Variants in CCSER1 observed in about 807,000 individuals in gnomAD.
CCSER1 encodes coiled-coil serine rich protein 1, also known as serine-rich coiled-coil domain-containing protein 1.
CCSER1 carries 41 observed loss-of-function variants against 82.0 expected under a neutral mutation model. That is an observed-to-expected ratio of 0.50 (90% CI 0.39 to 0.65). The LOEUF (loss-of-function observed/expected upper bound fraction) is 0.65. CCSER1 is among the 30% of genes least tolerant of loss of function. The probability of loss-of-function intolerance (pLI) is 0.00; values close to 1 mark genes in which losing one functional copy is unlikely to be tolerated. For synonymous variants in CCSER1, 414 were observed against 383.9 expected (o/e 1.08, Z -0.92); for missense variants, 1,119 against 1,064.2 (o/e 1.05, Z -0.72).
At chr4:90,938,222 C>T (rs1561394065) in intron 9 of CCSER1, among the ~76,000 whole-genome samples, 1 of 151,794 alleles carries the variant, frequency 6.6e-6, no homozygotes, top group Non-Finnish European at 1.5e-5. Flanking sequence ...TCTGTTGAAA[C>T]TTTGTGTTTA....
Position 90,348,591 on chromosome 4 carries a change from A to G in CCSER1, c.1509+35544A>G, listed in dbSNP as rs1024878171. On this transcript the variant is annotated intron_variant, in intron 3 of 10. Coordinates refer to ENST00000509176, the MANE Select transcript of CCSER1 (RefSeq NM_001145065.2). ...AATTATCAGTGGACTTTTCATCTCA[A>G]TAAAAATTACTCAGTATATTAAGAC... Among the ~76,000 whole-genome samples, 4 of 152,272 alleles carry G rather than the reference A, an allele frequency of 2.6e-5. No individual in the cohort carries two copies. In the East Asian group the frequency reaches 7.7e-4, roughly 29 times the overall value.
chr4:90,493,704 C>A (rs1768475010), intron 5 of CCSER1, among the ~76,000 whole-genome samples: 1 of 152,096 alleles, frequency 6.6e-6, no homozygotes, highest in South Asian at 2.1e-4. Context: ...CCTTTACAGA[C>A]AAGCAAATGC....
intron 10 of CCSER1, among the ~76,000 whole-genome samples, chr4:91,285,538 G>C (rs1743215894): frequency 6.6e-6 from 1 of 151,676 alleles, no homozygotes; most frequent in African/African-American, 2.4e-5. Context: ...TTCGATCACT[G>C]GTTCCAGTTA....
At chr4:90,164,515 G>C (rs891215950) in intron 1 of CCSER1, among the ~76,000 whole-genome samples, 1 of 152,046 alleles carries the variant, frequency 6.6e-6, no homozygotes, top group Non-Finnish European at 1.5e-5. Flanking sequence ...GTATGCTGAA[G>C]TAGCACAGAT....
intron 10 of CCSER1, among the ~76,000 whole-genome samples, chr4:91,297,544 G>A (rs887555947): frequency 6.6e-6 from 1 of 151,838 alleles, no homozygotes; most frequent in African/African-American, 2.4e-5. Flanking sequence ...TGTAGAATAA[G>A]CAATTTCAGA....
chr4:90,249,871 C>T (rs199866917), intron 1 of CCSER1, among the ~76,000 whole-genome samples: 3 of 152,050 alleles, frequency 2.0e-5, no homozygotes, highest in Non-Finnish European at 4.4e-5. Context: ...CAATGCAGGA[C>T]GATTCCAGTT....
intron 1 of CCSER1, chr4:90,235,286 C>T (rs1218468041): frequency 1.3e-5 from 2 of 152,236 alleles, no homozygotes; most frequent in Non-Finnish European, 2.9e-5. Context: ...ACCTGTAGAT[C>T]CTTTGCCTTA....
At chr4:91,347,446 CTT>C (rs900159991) in intron 10 of CCSER1, among the ~76,000 whole-genome samples, 5 of 151,658 alleles carry the variant, frequency 3.3e-5, no homozygotes, top group African/African-American at 1.2e-4. Context: ...TATTATGAGT[CTT>C]TTGCTTTTTC....
chr4:90,644,440 G>T (rs545353975), intron 6 of CCSER1, among the ~76,000 whole-genome samples: 2 of 152,112 alleles, frequency 1.3e-5, no homozygotes, highest in South Asian at 4.2e-4. Context: ...TTGGATTAGG[G>T]TTGCTCAATC....
chr4:91,153,328 A>T (rs1416121918), intron 10 of CCSER1, among the ~76,000 whole-genome samples: 1 of 151,744 alleles, frequency 6.6e-6, no homozygotes, highest in Non-Finnish European at 1.5e-5. Context: ...TGCATGCATC[A>T]CGTAGTTCTC....
At chr4:90,194,491 T>A (rs1402233831) in intron 1 of CCSER1, among the ~76,000 whole-genome samples, 1 of 152,072 alleles carries the variant, frequency 6.6e-6, no homozygotes, top group Non-Finnish European at 1.5e-5. Context: ...CTTCATGGTG[T>A]TTTTTATTTT....
intron 10 of CCSER1, among the ~76,000 whole-genome samples, chr4:91,268,207 G>C (rs1741750624): frequency 6.6e-6 from 1 of 152,122 alleles, no homozygotes; most frequent in African/African-American, 2.4e-5. Context: ...AATAACATTA[G>C]AGGTAAATAA....
chr4:90,246,349 C>T (rs1578729952), intron 1 of CCSER1, among the ~76,000 whole-genome samples: 1 of 152,130 alleles, frequency 6.6e-6, no homozygotes, highest in Admixed American at 6.5e-5. Flanking sequence ...TAACATGTGC[C>T]TTTGTTTCTG....
At chr4:91,508,919 T>C (rs1481598823) in intron 10 of CCSER1, among the ~76,000 whole-genome samples, 1 of 152,040 alleles carries the variant, frequency 6.6e-6, no homozygotes, top group Non-Finnish European at 1.5e-5. Context: ...TGATCAATTT[T>C]ATTTCTGTAA....
chr4:90,682,016 T>TC (rs1733977703), intron 6 of CCSER1, among the ~76,000 whole-genome samples: 2 of 150,944 alleles, frequency 1.3e-5, no homozygotes, highest in Non-Finnish European at 1.5e-5. Flanking sequence ...AAAAATAACT[T>TC]TTTTTTTTAT....
intron 10 of CCSER1, among the ~76,000 whole-genome samples, chr4:91,576,056 G>A (rs750892705): frequency 4.6e-5 from 7 of 152,022 alleles, no homozygotes; most frequent in Middle Eastern, 3.4e-3. Flanking sequence ...ACACTTACTC[G>A]TTCATTGCAG....
chr4:90,619,716 TGA>T (rs1197752240), intron 5 of CCSER1, among the ~76,000 whole-genome samples: 1 of 152,018 alleles, frequency 6.6e-6, no homozygotes, highest in East Asian at 1.9e-4. Context: ...AATTAGAAAA[TGA>T]GAAATATGTA....
chr4:91,161,565 C>T (rs184758414), intron 10 of CCSER1, among the ~76,000 whole-genome samples: 7 of 152,116 alleles, frequency 4.6e-5, no homozygotes, highest in African/African-American at 1.7e-4. Context: ...TGTTTGTGTC[C>T]TCTTTTATTT....
At chr4:90,307,780 T>TTACA (rs1734581202) in intron 1 of CCSER1, among the ~76,000 whole-genome samples, 1 of 152,136 alleles carries the variant, frequency 6.6e-6, no homozygotes, top group Non-Finnish European at 1.5e-5. Context: ...TGTTGAGTCG[T>TTACA]GTGGTGTAAA....
Sources: gnomAD v4.1 joint callset for allele counts (sites outside exome capture counted in the v4.1 genomes callset) on GRCh38, gnomAD v4.1.1 for gene constraint, MANE v1.5 for transcripts, NCBI Gene and HGNC (gene_info 2026-07-23, HGNC 2026-07-21) for gene names.